AGMO: variants seen among roughly 807,000 people sequenced by gnomAD.
AGMO encodes alkylglycerol monooxygenase.
Under a neutral mutation model 60.2 loss-of-function variants are expected in AGMO, and 75 were observed. The observed-to-expected ratio is 1.25, with a 90% CI of 1.03 to 1.51. The LOEUF is 1.51. Ranked by LOEUF, AGMO falls within the 40% of genes most tolerant of loss-of-function variation. The pLI, the probability that AGMO is intolerant of heterozygous loss-of-function variation, is 0.00. For synonymous variants in AGMO, 261 were observed against 177.1 expected (o/e 1.47, Z -3.76); for missense variants, 763 against 525.5 (o/e 1.45, Z -4.42).
chr7:15,371,615 C>T lies in AGMO; in HGVS notation c.1075-5393G>A, dbSNP rs1484419441. Among the ~76,000 whole-genome samples, 4 of 152,220 alleles carry T rather than the reference C, an allele frequency of 2.6e-5. No homozygotes were observed. The East Asian group carries it at 5.8e-4, about 22-fold the overall frequency. ...TTTCACCATGTTGACCAGGCTTGGT[C>T]TCGAACTCCTGACCTCAGGTGATCT... On this transcript the variant is annotated intron_variant, in intron 10 of 12. Coordinates refer to ENST00000342526, the MANE Select transcript of AGMO (RefSeq NM_001004320.2).
At chr7:15,503,528 A>G (rs1177849151) in intron 3 of AGMO, among the ~76,000 whole-genome samples, 2 of 152,046 alleles carry the variant, frequency 1.3e-5, no homozygotes, top group Non-Finnish European at 2.9e-5. Context: ...AAAACAGAAA[A>G]TCTCCATGAA....
chr7:15,242,232 G>A (rs910912124), intron 12 of AGMO, among the ~76,000 whole-genome samples: 1 of 152,106 alleles, frequency 6.6e-6, no homozygotes, highest in African/African-American at 2.4e-5. Flanking sequence ...AGAAAATCAT[G>A]AAGGACCATT....
At chr7:15,255,518 A>G (rs1431501978) in intron 12 of AGMO, among the ~76,000 whole-genome samples, 2 of 146,670 alleles carry the variant, frequency 1.4e-5, no homozygotes, top group Non-Finnish European at 3.0e-5. Flanking sequence ...CCTGTCTCCA[A>G]AGCCATGTAA....
At chr7:15,265,001 A>G (rs1458018423) in intron 12 of AGMO, among the ~76,000 whole-genome samples, 1 of 152,178 alleles carries the variant, frequency 6.6e-6, no homozygotes, top group Non-Finnish European at 1.5e-5. Flanking sequence ...TTGCAGAACT[A>G]TTCACAAGAG....
At chr7:15,493,334 A>AACACACAC (rs144549105) in intron 3 of AGMO, among the ~76,000 whole-genome samples, 4,227 of 70,316 alleles carry the variant, frequency 0.06, 267 homozygotes, top group African/African-American at 0.066. Flanking sequence ...AAACACACAA[A>AACACACAC]ACACACACAC....
chr7:15,233,875 T>C (rs1782334755), intron 12 of AGMO, among the ~76,000 whole-genome samples: 1 of 151,960 alleles, frequency 6.6e-6, no homozygotes, highest in Admixed American at 6.6e-5. Flanking sequence ...GGTGAAACCC[T>C]GTCTCTACTA....
At chr7:15,494,388 A>G (rs1368148079) in intron 3 of AGMO, among the ~76,000 whole-genome samples, 2 of 152,216 alleles carry the variant, frequency 1.3e-5, no homozygotes, top group Admixed American at 6.5e-5. Context: ...TAATTACTTC[A>G]CTTTAAAATT....
intron 5 of AGMO, among the ~76,000 whole-genome samples, chr7:15,416,624 A>G (rs771241070): frequency 9.2e-5 from 14 of 152,284 alleles, no homozygotes; most frequent in Non-Finnish European, 1.9e-4. Flanking sequence ...ATTCAGGAAT[A>G]TGCAGGGCTC....
intron 12 of AGMO, among the ~76,000 whole-genome samples, chr7:15,203,512 T>C (rs1488648083): frequency 6.6e-6 from 1 of 151,932 alleles, no homozygotes; most frequent in African/African-American, 2.4e-5. Context: ...TTTTTGTTTT[T>C]TTTTTTGCTT....
intron 2 of AGMO, among the ~76,000 whole-genome samples, chr7:15,557,846 A>T (rs1417203425): frequency 1.3e-5 from 2 of 152,028 alleles, no homozygotes; most frequent in African/African-American, 4.8e-5. Flanking sequence ...ATATTCTCCA[A>T]ATTAAAGTTC....
intron 12 of AGMO, among the ~76,000 whole-genome samples, chr7:15,235,946 T>C (rs887240492): frequency 6.6e-6 from 1 of 152,188 alleles, no homozygotes; most frequent in African/African-American, 2.4e-5. Flanking sequence ...TATTCTTCTC[T>C]GCCCTTTGGT....
intron 12 of AGMO, among the ~76,000 whole-genome samples, chr7:15,314,101 T>C (rs1443545214): frequency 1.3e-5 from 2 of 151,988 alleles, no homozygotes; most frequent in African/African-American, 4.8e-5. Context: ...CAGCAGCAGA[T>C]AATGTTGATG....
In AGMO at chr7:15,428,997, T is replaced by C. The variant is rs76384143; in HGVS notation, c.513+2008A>G. On this transcript the variant is annotated intron_variant, in intron 4 of 12. Transcript: ENST00000342526. ...AGAAGGGAGGATGAACAGTACCGAT[T>C]TCCTCCATCACGTGCCCTGTTTTCC... Among the ~76,000 whole-genome samples, 144 of 152,182 alleles carry C rather than the reference T, an allele frequency of 9.5e-4. 3 individuals are homozygous for C. In the East Asian group the frequency reaches 0.026, roughly 27 times the overall value.
At chr7:15,286,290 C>G (rs1279154481) in intron 12 of AGMO, among the ~76,000 whole-genome samples, 1 of 151,990 alleles carries the variant, frequency 6.6e-6, no homozygotes, top group Non-Finnish European at 1.5e-5. Context: ...CAGACAACCA[C>G]AGAATGGCAG....
At chr7:15,452,837 A>C (rs1234125593) in intron 3 of AGMO, among the ~76,000 whole-genome samples, 2 of 152,230 alleles carry the variant, frequency 1.3e-5, no homozygotes, top group Non-Finnish European at 2.9e-5. Flanking sequence ...CCAAATGTCC[A>C]TGATAAATGG....
At chr7:15,238,231 A>C (rs1428175555) in intron 12 of AGMO, among the ~76,000 whole-genome samples, 1 of 152,004 alleles carries the variant, frequency 6.6e-6, no homozygotes, top group Non-Finnish European at 1.5e-5. Context: ...CTTTTTCAAT[A>C]CACACACGTG....
rs544267436 is a variant in AGMO, at chr7:15,561,986, C to T, written c.-141G>A. 4.0e-6 allele frequency: 3 copies of T among 753,708 alleles called. 1 individual carries two copies. The highest frequency in any genetic ancestry group is 4.9e-5 in the South Asian group (2 of 40,876). The allele number at this position is 753,708 out of a possible 1,614,324, so 46.7% of individuals were successfully genotyped here. On this transcript the variant is annotated 5_prime_UTR_variant, in exon 1 of 13. Coordinates refer to ENST00000342526, the MANE Select transcript of AGMO (RefSeq NM_001004320.2). ...GCTAAAACCAAAGCTCCACTGAGAG[C>T]ACACTCAACAGCCGATTCTGTGTAG...
chr7:15,271,246 G>T (rs139682956), intron 12 of AGMO, among the ~76,000 whole-genome samples: 44 of 152,210 alleles, frequency 2.9e-4, no homozygotes, highest in African/African-American at 1.0e-3. Flanking sequence ...TAAATCTGTA[G>T]ATGGCTATGG....
intron 5 of AGMO, 28 bp from the exon 6 acceptor site, chr7:15,394,207 C>G: frequency 1.4e-6 from 2 of 1,456,184 alleles, no homozygotes; most frequent in Non-Finnish European, 1.9e-6. Flanking sequence ...AATATTTATA[C>G]ATGTAGTTAT....
Sources: gnomAD v4.1 joint callset for allele counts (sites outside exome capture counted in the v4.1 genomes callset) on GRCh38, gnomAD v4.1.1 for gene constraint, MANE v1.5 for transcripts, NCBI Gene and HGNC (gene_info 2026-07-23, HGNC 2026-07-21) for gene names.